Variants in ROBO2 observed in about 807,000 individuals in gnomAD.
The protein encoded by ROBO2 is roundabout homolog 2.
Under a neutral mutation model 160.8 loss-of-function variants are expected in ROBO2, and 53 were observed. That is an observed-to-expected ratio of 0.33 (90% CI 0.26 to 0.41). The LOEUF is 0.41. Ranked by LOEUF, ROBO2 falls within the 10% of genes least tolerant of loss-of-function variation. ROBO2 has a pLI of 1.00. For synonymous variants in ROBO2, 664 were observed against 611.7 expected, an observed-to-expected ratio of 1.09 and a Z score of -1.26; for missense variants, 1,577 against 1,722.4, an observed-to-expected ratio of 0.92 and a Z score of 1.49.
intron 2 of ROBO2, among the ~76,000 whole-genome samples, chr3:77,409,127 T>C (rs1176624197): frequency 7.1e-6 from 1 of 140,540 alleles, no homozygotes; most frequent in Non-Finnish European, 1.6e-5. Flanking sequence ...ATATATAGTC[T>C]TTTACTGAGG....
intron 2 of ROBO2, among the ~76,000 whole-genome samples, chr3:76,039,324 A>G (rs745594959): frequency 2.6e-5 from 4 of 151,972 alleles, no homozygotes; most frequent in Admixed American, 1.3e-4. Context: ...GAAAATAAAC[A>G]TGGTCTATTT....
At position 76,969,297 on chromosome 3, in the gene ROBO2, A is replaced by G. The variant is rs142211370; in HGVS notation, c.110-128717A>G. Among the ~76,000 whole-genome samples, 6 of 152,330 alleles carry G rather than the reference A, an allele frequency of 3.9e-5. No individual in the cohort carries two copies. In the East Asian group the frequency reaches 1.2e-3, roughly 29 times the overall value. On this transcript the variant is annotated intron_variant, in intron 2 of 26. Coordinates refer to the ROBO2 transcript ENST00000487694. ...TTAAAATTTAATGACTAATTGAAAT[A>G]CCAGGCCCCTTTTGTGTGACTATGG...
intron 2 of ROBO2, among the ~76,000 whole-genome samples, chr3:76,572,693 C>T (rs1250870335): frequency 6.6e-6 from 1 of 152,104 alleles, no homozygotes; most frequent in Admixed American, 6.6e-5. Context: ...GATTGACATC[C>T]TTCAGGAGGA....
intron 2 of ROBO2, among the ~76,000 whole-genome samples, chr3:75,979,570 A>ATT (rs1050966289): frequency 6.6e-6 from 1 of 151,456 alleles, no homozygotes; most frequent in African/African-American, 2.4e-5. Flanking sequence ...CTGGCACATA[A>ATT]TTTTTAGAGT....
chr3:76,599,417 T>C (rs2086959791), intron 2 of ROBO2, among the ~76,000 whole-genome samples: 1 of 152,238 alleles, frequency 6.6e-6, no homozygotes, highest in African/African-American at 2.4e-5. Flanking sequence ...TTCTTTTTTA[T>C]GGCTGCATAG....
intron 2 of ROBO2, among the ~76,000 whole-genome samples, chr3:76,036,780 A>G (rs750514863): frequency 7.2e-5 from 11 of 152,046 alleles, no homozygotes; most frequent in Non-Finnish European, 1.6e-4. Context: ...CTGGGATTAC[A>G]GGCATGAGCC....
intron 2 of ROBO2, among the ~76,000 whole-genome samples, chr3:76,081,166 CAT>C (rs57052008): frequency 0.02 from 2,976 of 151,164 alleles, 36 homozygotes; most frequent in East Asian, 0.08. Flanking sequence ...TGTATATATA[CAT>C]ATATATATAT....
At chr3:76,514,657 T>G (rs2081262632) in intron 2 of ROBO2, among the ~76,000 whole-genome samples, 1 of 152,230 alleles carries the variant, frequency 6.6e-6, no homozygotes, top group Non-Finnish European at 1.5e-5. Flanking sequence ...CTTTTTCAAC[T>G]TTTATTTCTT....
At chr3:76,369,739 C>A (rs2076009095) in intron 2 of ROBO2, among the ~76,000 whole-genome samples, 1 of 151,948 alleles carries the variant, frequency 6.6e-6, no homozygotes, top group African/African-American at 2.4e-5. Context: ...CCTTAAATAA[C>A]AAAGTCCTGT....
At chr3:77,552,166 G>C (rs2092943557) in intron 8 of ROBO2, among the ~76,000 whole-genome samples, 1 of 151,924 alleles carries the variant, frequency 6.6e-6, no homozygotes, top group African/African-American at 2.4e-5. Context: ...TCATTAAAAA[G>C]ATCTTATGTT....
chr3:77,564,431 T>G (rs2093423011), intron 11 of ROBO2: 1 of 455,724 alleles, frequency 2.2e-6, no homozygotes, highest in Non-Finnish European at 4.4e-6. Context: ...CATTACCTGC[T>G]TCCTCTCTTC....
intron 2 of ROBO2, among the ~76,000 whole-genome samples, chr3:77,200,245 T>C (rs565285218): frequency 1.1e-4 from 14 of 127,126 alleles, no homozygotes; most frequent in Non-Finnish European, 2.3e-4. Context: ...TTTGTGTGTA[T>C]GTATATCCTA....
At chr3:77,613,943 G>T (rs1393317164) in intron 21 of ROBO2, among the ~76,000 whole-genome samples, 1 of 152,164 alleles carries the variant, frequency 6.6e-6, no homozygotes, top group Non-Finnish European at 1.5e-5. Context: ...ATAAGATTAA[G>T]ATAGGTAAAA....
At chr3:76,946,130 A>G (rs2078523477) in intron 2 of ROBO2, among the ~76,000 whole-genome samples, 1 of 152,198 alleles carries the variant, frequency 6.6e-6, no homozygotes. Flanking sequence ...GTTAGTCAGA[A>G]CTAGAACACT....
At chr3:76,805,670 ACGTGTG>A (rs548531595) in intron 2 of ROBO2, among the ~76,000 whole-genome samples, 49 of 54,778 alleles carry the variant, frequency 8.9e-4, no homozygotes, top group Admixed American at 4.1e-3. Flanking sequence ...CTATTGGAAT[ACGTGTG>A]TGTGTGTGTG....
intron 2 of ROBO2, among the ~76,000 whole-genome samples, chr3:77,267,187 G>A (rs2059178509): frequency 6.6e-6 from 1 of 152,094 alleles, no homozygotes; most frequent in Non-Finnish European, 1.5e-5. Flanking sequence ...TAGTTTGTAT[G>A]CTGTTTCAAA....
intron 2 of ROBO2, among the ~76,000 whole-genome samples, chr3:77,299,942 A>G (rs527740294): frequency 6.6e-6 from 1 of 152,250 alleles, no homozygotes; most frequent in South Asian, 2.1e-4. Context: ...CAGAGTCATG[A>G]AAATCAATAT....
chr3:77,250,277 A>G (rs2090186683), intron 2 of ROBO2, among the ~76,000 whole-genome samples: 1 of 152,178 alleles, frequency 6.6e-6, no homozygotes, highest in Non-Finnish European at 1.5e-5. Flanking sequence ...CCCTAAGGCT[A>G]CCTGGTAAGA....
At chr3:76,447,156 C>A (rs367738220) in intron 2 of ROBO2, among the ~76,000 whole-genome samples, 19 of 152,124 alleles carry the variant, frequency 1.2e-4, no homozygotes, top group South Asian at 4.2e-4. Flanking sequence ...ACAAAGGGCT[C>A]ATATCCAGAA....
Sources: allele counts gnomAD v4.1 joint callset (sites outside exome capture counted in the v4.1 genomes callset), GRCh38; gene constraint gnomAD v4.1.1; transcripts MANE v1.5; gene names NCBI Gene and HGNC (gene_info 2026-07-23, HGNC 2026-07-21).